The following LRP2 variants were observed in gnomAD, a reference collection of about 807,000 sequenced individuals.
LRP2 encodes low-density lipoprotein receptor-related protein 2.
LRP2 carries 172 observed loss-of-function variants against 531.0 expected under a neutral mutation model. The ratio of observed to expected loss-of-function variants is 0.32; its 90% CI spans 0.29 to 0.37. The LOEUF is 0.37. LRP2 is among the 10% of genes least tolerant of loss of function. The probability of loss-of-function intolerance (pLI) is 1.00; values close to 1 mark genes in which losing one functional copy is unlikely to be tolerated. For missense variants in LRP2, 5,167 were observed against 5,868.3 expected (o/e 0.88, Z 3.90); for synonymous variants, 1,992 against 2,027.6 (o/e 0.98, Z 0.47).
intron 59 of LRP2, among the ~76,000 whole-genome samples, chr2:169,170,174 T>C (rs1686941731): frequency 6.6e-6 from 1 of 151,964 alleles, no homozygotes; most frequent in Admixed American, 6.5e-5. Context: ...ACTCTGTCAA[T>C]GATCTGATCT....
chr2:169,185,327 T>G (rs951605938), intron 50 of LRP2, among the ~76,000 whole-genome samples, 176 bp downstream of exon 50: 2 of 152,242 alleles, frequency 1.3e-5, no homozygotes, highest in Non-Finnish European at 2.9e-5. Context: ...TAATTAGATA[T>G]TCTGTTCTGA....
intron 1 of LRP2, among the ~76,000 whole-genome samples, chr2:169,342,974 T>A (rs1685605544): frequency 6.6e-6 from 1 of 152,216 alleles, no homozygotes; most frequent in South Asian, 2.1e-4. Flanking sequence ...TCTTACATGC[T>A]CTGTCTAAAA....
chr2:169,291,485 T>C (rs1419322226), intron 7 of LRP2, among the ~76,000 whole-genome samples: 1 of 152,190 alleles, frequency 6.6e-6, no homozygotes, highest in African/African-American at 2.4e-5. Context: ...AAAACATAGT[T>C]TTAACAAGCA....
intron 71 of LRP2, among the ~76,000 whole-genome samples, chr2:169,141,040 G>A (rs544589767): frequency 3.3e-5 from 5 of 152,160 alleles, no homozygotes; most frequent in Admixed American, 6.5e-5. Flanking sequence ...GAGCTCCTGA[G>A]TTTTCAAGTC....
At position 169,235,993 on chromosome 2, in the gene LRP2, G is replaced by A. The variant is rs749603465; in HGVS notation, c.4767C>T (p.Arg1589=). ...AGATCTTGTCCTGGACAATGACAGTGCGCATGCTGCCGTCCATGCTGGCTC... is the reference window on the plus strand; with the variant it reads ...AGATCTTGTCCTGGACAATGACAGTACGCATGCTGCCGTCCATGCTGGCTC... ...IERASMDGSM[R]TVIVQDKIFW... The change falls in exon 29 of 79, where the codon CGC becomes CGT. Residue 1589 remains arginine, a synonymous_variant. Transcript: ENST00000649046. The A allele has an allele frequency of 1.2e-6, 2 of 1,614,230 alleles. No individual in the cohort carries two copies. The highest frequency in any genetic ancestry group is 1.7e-6 in the Non-Finnish European group (2 of 1,180,050).
rs1396320167 is a variant in LRP2, at chr2:169,307,397, G to A, written c.311C>T (p.Ser104Leu). 2.6e-6 allele frequency: 4 copies of A among 1,558,718 alleles called. No individual in the cohort carries two copies. Among genetic ancestry groups the A allele is most frequent in the Non-Finnish European group, 3.5e-6 (4 of 1,129,590 alleles). The part of the protein sequence containing the change: ...DDGSDERQDC[S>L]QSTCSSHQIT... The stretch of plus-strand genomic sequence containing the variant: ...CTGATGACTTGAGCATGTACTTTGT[G>A]CTGCGAAGAGAAAAAATTATTACTT... Residue 104 changes from serine to leucine, a missense_variant and splice_region_variant, in exon 4 of 79, where the codon TCA becomes TTA. By Grantham distance (145) the Ser-to-Leu change is moderately radical (BLOSUM62 -2). Transcript: ENST00000649046.
chr2:169,326,296 G>A (rs1467647042), intron 1 of LRP2, among the ~76,000 whole-genome samples: 1 of 149,512 alleles, frequency 6.7e-6, no homozygotes, highest in African/African-American at 2.5e-5. Flanking sequence ...CTGCCATCTC[G>A]GCTCACTGCA....
intron 3 of LRP2, among the ~76,000 whole-genome samples, chr2:169,310,459 C>T (rs1183655912): frequency 6.6e-6 from 1 of 152,158 alleles, no homozygotes; most frequent in Non-Finnish European, 1.5e-5. Context: ...TTGAGATAAT[C>T]ATGTGGTTTT....
At chr2:169,319,297 A>C (rs1459569421) in intron 2 of LRP2, among the ~76,000 whole-genome samples, 1 of 152,216 alleles carries the variant, frequency 6.6e-6, no homozygotes, top group African/African-American at 2.4e-5. Context: ...AAAACCCAAA[A>C]TCAAATAATT....
chr2:169,260,074 C>A (rs1285480095), intron 16 of LRP2, among the ~76,000 whole-genome samples: 1 of 152,076 alleles, frequency 6.6e-6, no homozygotes, highest in East Asian at 1.9e-4. Flanking sequence ...ATCCTCACAG[C>A]CACTCAATCA....
At position 169,207,194 on chromosome 2, in the gene LRP2, T is replaced by C. The variant is rs1379420581; in HGVS notation, c.6526A>G (p.Ile2176Val). The C allele has an allele frequency of 6.2e-7, 1 of 1,613,930 alleles. No individual in the cohort carries two copies. Among genetic ancestry groups the C allele is most frequent in the Non-Finnish European group, 8.5e-7 (1 of 1,179,980 alleles). The change falls in exon 39 of 79, where the codon ATC becomes GTC. Residue 2176 changes from isoleucine (I) to valine (V), a missense_variant. Ile to Val is a conservative substitution (Grantham distance 29). Coordinates refer to ENST00000649046, the MANE Select transcript of LRP2 (RefSeq NM_004525.3). ...VSETLIEVLR[I>V]NTTYRRVLLK... Reference sequence around the variant, plus strand: ...AGAACACGGCGGTAAGTAGTATTGATCCGCAGAACTTCTATCAGTGTTTCA... The same window carrying C: ...AGAACACGGCGGTAAGTAGTATTGACCCGCAGAACTTCTATCAGTGTTTCA...
At chr2:169,247,631 T>A in intron 19 of LRP2, 116 bp from the exon 20 acceptor site, 2 of 1,047,004 alleles carry the variant, frequency 1.9e-6, no homozygotes, top group African/African-American at 1.6e-5. Flanking sequence ...ATCTCCCCCA[T>A]AAATATCTGT....
chr2:169,149,328 C>G (rs556431035), intron 68 of LRP2, among the ~76,000 whole-genome samples: 1 of 152,108 alleles, frequency 6.6e-6, no homozygotes, highest in Non-Finnish European at 1.5e-5. Flanking sequence ...GATCTTATAC[C>G]GCAGAAGCTG....
intron 64 of LRP2, 116 bp downstream of exon 64, chr2:169,157,255 C>A (rs2105362764): frequency 8.9e-7 from 1 of 1,122,102 alleles, no homozygotes; most frequent in East Asian, 2.5e-5. Flanking sequence ...ACCATGAAAC[C>A]ATGAGTATGG....
intron 3 of LRP2, among the ~76,000 whole-genome samples, chr2:169,317,177 C>T (rs1291121845): frequency 1.3e-5 from 2 of 152,110 alleles, no homozygotes; most frequent in Non-Finnish European, 2.9e-5. Context: ...AACTTATCTC[C>T]AGTCTCTTTT....
chr2:169,296,942 T>C (rs1435857842), intron 4 of LRP2, among the ~76,000 whole-genome samples: 11 of 152,110 alleles, frequency 7.2e-5, no homozygotes, highest in Non-Finnish European at 1.5e-5. Context: ...CTTTCTTGTC[T>C]CCATCCACAC....
At chr2:169,280,610 A>G in intron 10 of LRP2, 91 bp from the exon 11 acceptor site, 2 of 1,267,892 alleles carry the variant, frequency 1.6e-6, no homozygotes, top group Non-Finnish European at 1.1e-6. Context: ...GCTTTTTCAA[A>G]TGCTATCTTC....
chr2:169,189,019 A>C (rs1687738354), intron 48 of LRP2, among the ~76,000 whole-genome samples: 1 of 152,174 alleles, frequency 6.6e-6, no homozygotes, highest in African/African-American at 2.4e-5. Flanking sequence ...GGGACCTAAC[A>C]TACACAGGCA....
intron 1 of LRP2, among the ~76,000 whole-genome samples, chr2:169,343,648 T>C (rs1167288821): frequency 2.0e-5 from 3 of 152,172 alleles, no homozygotes; most frequent in East Asian, 1.9e-4. Context: ...GGTACACATC[T>C]GGAAAGCAGT....
Sources: allele counts gnomAD v4.1 joint callset (sites outside exome capture counted in the v4.1 genomes callset), GRCh38; gene constraint gnomAD v4.1.1; transcripts MANE v1.5; gene names NCBI Gene and HGNC (gene_info 2026-07-23, HGNC 2026-07-21).